The following ZNF845 variants were observed in gnomAD, a reference collection of about 807,000 sequenced individuals.
ZNF845 encodes the protein zinc finger protein 845.
A neutral mutation model predicts 76.1 loss-of-function variants in ZNF845; 59 were observed. That is an observed-to-expected ratio of 0.78 (90% CI 0.63 to 0.96). The LOEUF is 0.96. Ranked by LOEUF, ZNF845 falls within the 40% of genes least tolerant of loss-of-function variation. The probability of loss-of-function intolerance (pLI) is 0.00; values close to 1 mark genes in which losing one functional copy is unlikely to be tolerated. For missense variants in ZNF845, 1,045 were observed against 1,172.8 expected (o/e 0.89, Z 1.59); for synonymous variants, 361 against 386.9 (o/e 0.93, Z 0.78).
chr19:53,344,087 C>T (rs990596031), intron 2 of ZNF845, among the ~76,000 whole-genome samples: 1 of 152,016 alleles, frequency 6.6e-6, no homozygotes, highest in Non-Finnish European at 1.5e-5. Flanking sequence ...AGCAATTCTG[C>T]GTCAGCCTCC....
Position 53,350,751 on chromosome 19 carries a change from T to C in ZNF845, c.143-67T>C, listed in dbSNP as rs532733606. ...ATAAGTATTGTTTTTAGTGTCACAT[T>C]TACACATTTCAGTATTATTTACCAT... On this transcript the variant is annotated intron_variant, in intron 3 of 3. Coordinates refer to ENST00000458035, the MANE Select transcript of ZNF845 (RefSeq NM_138374.3). The C allele has an allele frequency of 5.1e-4, 784 of 1,540,316 alleles. 4 individuals carry two copies. In the South Asian group the frequency reaches 9.0e-3, roughly 18 times the overall value.
intron 1 of ZNF845, among the ~76,000 whole-genome samples, chr19:53,334,384 C>T (rs2085198005): frequency 6.6e-6 from 1 of 151,982 alleles, no homozygotes; most frequent in South Asian, 2.1e-4. Context: ...AGAGAGAGAG[C>T]AGTAGAAAAC....
At chr19:53,348,751 T>G (rs1308736420) in intron 3 of ZNF845, among the ~76,000 whole-genome samples, 1 of 152,122 alleles carries the variant, frequency 6.6e-6, no homozygotes, top group Non-Finnish European at 1.5e-5. Context: ...ACTAGATAAC[T>G]AAGGCCAATG....
chr19:53,344,033 A>T (rs538007517), intron 2 of ZNF845, among the ~76,000 whole-genome samples: 1 of 151,698 alleles, frequency 6.6e-6, no homozygotes, highest in African/African-American at 2.4e-5. Context: ...CTGGAGTGCA[A>T]TGGTGAGATT....
At chr19:53,339,880 A>T (rs1174452965) in intron 1 of ZNF845, among the ~76,000 whole-genome samples, 1 of 152,062 alleles carries the variant, frequency 6.6e-6, no homozygotes, top group Non-Finnish European at 1.5e-5. Context: ...TATCCAGGTT[A>T]TTTTTCATTT....
Position 53,353,876 on chromosome 19 carries a change from A to C in ZNF845, c.*288A>C. On this transcript the variant is annotated 3_prime_UTR_variant, in exon 4 of 4. Coordinates refer to ENST00000458035, the MANE Select transcript of ZNF845 (RefSeq NM_138374.3). Reference sequence around the variant, plus strand: ...TTATCACAAAGTCTTCAGTAACACTACAACCGTTTCAAATCATTGGAGAAT... The same window carrying C: ...TTATCACAAAGTCTTCAGTAACACTCCAACCGTTTCAAATCATTGGAGAAT... 8.6e-7 allele frequency: 1 copy of C among 1,168,814 alleles called. No homozygotes were observed. The highest frequency in any genetic ancestry group is 1.5e-5 in the South Asian group (1 of 65,422). 72.4% of individuals were successfully genotyped at this position (1,168,814 alleles called of 1,614,324 possible).
intron 2 of ZNF845, among the ~76,000 whole-genome samples, chr19:53,342,338 A>G (rs1223587686): frequency 6.6e-6 from 1 of 152,108 alleles, no homozygotes; most frequent in East Asian, 1.9e-4. Flanking sequence ...GCTGGTCTCA[A>G]ACTTCTGACC....
At chr19:53,344,289 A>G (rs2085277970) in intron 2 of ZNF845, among the ~76,000 whole-genome samples, 1 of 152,222 alleles carries the variant, frequency 6.6e-6, no homozygotes, top group African/African-American at 2.4e-5. Flanking sequence ...CTGTAATCCT[A>G]GCACTTTGAG....
rs577485324 is a variant in ZNF845 at position 53,346,784 on chromosome 19, G to A, written c.142+1152G>A. Among the ~76,000 whole-genome samples the A allele has an allele frequency of 5.3e-5, 8 of 152,252 alleles. No homozygotes were observed. The South Asian group carries it at 8.3e-4, about 16-fold the overall frequency. On this transcript the variant is annotated intron_variant, in intron 3 of 3. Transcript: ENST00000458035. ...GTGTGTGTTGCATTTTCAATATCACGTACAGTGTTTTCTCATGCTGTTTTC... is the reference window on the plus strand; with the variant it reads ...GTGTGTGTTGCATTTTCAATATCACATACAGTGTTTTCTCATGCTGTTTTC...
chr19:53,345,723 C>G (rs1181973802), intron 3 of ZNF845, 91 bp downstream of exon 3: 1 of 1,581,054 alleles, frequency 6.3e-7, no homozygotes, highest in Non-Finnish European at 8.6e-7. Flanking sequence ...TGCTCTGTCA[C>G]CCAGGGTGGA....
Position 53,353,987 on chromosome 19 carries a change from G to T in ZNF845, c.*399G>T. 4.3e-6 allele frequency: 2 copies of T among 465,590 alleles called. No individual in the cohort carries two copies. The allele number at this position is 465,590 out of a possible 1,614,324, so 28.8% of individuals were successfully genotyped here. A position where few individuals can be genotyped will look rare whatever the true frequency, so the allele number is the denominator to read the frequency against. On this transcript the variant is annotated 3_prime_UTR_variant, in exon 4 of 4. Transcript: ENST00000458035. ...CCTTGCAGTTCATCGGTGAACTCAT[G>T]CTGGAGAGAAACCTTACAAATGTCA... is the stretch of plus-strand genomic sequence containing the variant.
Position 53,351,340 on chromosome 19 carries a change from A to G in ZNF845, c.665A>G (p.Lys222Arg), listed in dbSNP as rs2085333494. 3 of 1,614,110 alleles carry G rather than the reference A, an allele frequency of 1.9e-6. No individual in the cohort carries two copies. The highest frequency in any genetic ancestry group is 1.1e-5 in the South Asian group (1 of 91,088). The change falls in exon 4 of 4, where the codon AAA (lysine) becomes AGA (arginine). Residue 222 changes from lysine to arginine, a missense_variant. Lys to Arg is a conservative substitution (Grantham distance 26). Coordinates refer to ENST00000458035, the MANE Select transcript of ZNF845 (RefSeq NM_138374.3). ...EKSFQCNESG[K>R]AFNYSSVLRK... ...TCTTTCCAATGTAATGAGAGTGGCA[A>G]AGCCTTTAATTATAGCTCAGTCTTA...
intron 3 of ZNF845, among the ~76,000 whole-genome samples, chr19:53,347,578 C>T (rs964521953): frequency 6.6e-6 from 1 of 152,136 alleles, no homozygotes; most frequent in Non-Finnish European, 1.5e-5. Context: ...CAGGCATGAA[C>T]CACCGTGCCC....
intron 3 of ZNF845, among the ~76,000 whole-genome samples, chr19:53,349,736 G>A (rs1380901827): frequency 3.9e-5 from 6 of 152,216 alleles, no homozygotes; most frequent in East Asian, 3.9e-4. Flanking sequence ...CAGTCCACTC[G>A]TTAATGTCAC....
At position 53,352,686 on chromosome 19, in the gene ZNF845, A is replaced by G; in HGVS notation, c.2011A>G (p.Thr671Ala). ...KPYRCNECGK[T>A]FSRKSYLTCH... Reference sequence around the variant, plus strand: ...TTACAGGTGTAATGAATGTGGCAAGACCTTTAGTCGGAAGTCATACCTTAC... The same window carrying G: ...TTACAGGTGTAATGAATGTGGCAAGGCCTTTAGTCGGAAGTCATACCTTAC... Residue 671 changes from threonine to alanine, a missense_variant, in exon 4 of 4, where the codon ACC (threonine) becomes GCC (alanine). Thr to Ala is a moderately conservative substitution (Grantham distance 58, BLOSUM62 0). Coordinates refer to ENST00000458035, the MANE Select transcript of ZNF845 (RefSeq NM_138374.3). 1 of 1,613,486 alleles carries G rather than the reference A, an allele frequency of 6.2e-7. No individual in the cohort carries two copies.
chr19:53,338,735 C>T (rs1472278861), intron 1 of ZNF845, among the ~76,000 whole-genome samples: 1 of 151,124 alleles, frequency 6.6e-6, no homozygotes, highest in African/African-American at 2.5e-5. Flanking sequence ...CACACACACT[C>T]CCACACACAC....
In ZNF845 at chr19:53,353,307, C is replaced by T; in HGVS notation, c.2632C>T (p.His878Tyr). The T allele has an allele frequency of 6.2e-7, 1 of 1,612,834 alleles. No individual in the cohort carries two copies. Among genetic ancestry groups the T allele is most frequent in the Non-Finnish European group, 8.5e-7 (1 of 1,179,628 alleles). ...TAGAAAAGCAAACCTTTCACGTCAT[C>T]ATAGACTTCATACTGGAGAGAAACC... The part of the protein sequence containing the change: ...FNRKANLSRH[H>Y]RLHTGEKPYK... The change falls in exon 4 of 4, where the codon CAT (histidine) becomes TAT (tyrosine). Residue 878 changes from histidine to tyrosine, a missense_variant. Coordinates refer to ENST00000458035, the MANE Select transcript of ZNF845 (RefSeq NM_138374.3).
In ZNF845 at chr19:53,353,078, A is replaced by G. The variant is rs1413050520; in HGVS notation, c.2403A>G (p.Lys801=). 2.5e-6 allele frequency: 4 copies of G among 1,600,118 alleles called. No homozygotes were observed. The highest frequency in any genetic ancestry group is 2.2e-5 in the East Asian group (1 of 44,740). Residue 801 remains lysine, a synonymous_variant, in exon 4 of 4, where the codon AAA becomes AAG. Coordinates refer to ENST00000458035, the MANE Select transcript of ZNF845 (RefSeq NM_138374.3). The part of the protein sequence containing the change: ...AQHTRIHTGE[K]PYKCNECGKN... ...ATACTAGAATTCACACTGGAGAGAA[A>G]CCTTACAAGTGTAATGAATGTGGCA...
In ZNF845 at chr19:53,352,437, T is replaced by C; in HGVS notation, c.1762T>C (p.Phe588Leu). 6.2e-7 allele frequency: 1 copy of C among 1,613,894 alleles called. No homozygotes were observed. Among genetic ancestry groups the C allele is most frequent in the East Asian group, 2.2e-5 (1 of 44,872 alleles). ...LYKCNDCHQVFSNATTIANHW... is the reference protein window; with the variant it reads ...LYKCNDCHQVLSNATTIANHW... Reference sequence around the variant, plus strand: ...CAAATGTAATGATTGTCACCAAGTCTTTAGTAATGCTACAACCATTGCAAA... The same window carrying C: ...CAAATGTAATGATTGTCACCAAGTCCTTAGTAATGCTACAACCATTGCAAA... The change falls in exon 4 of 4, where the codon TTT (phenylalanine) becomes CTT (leucine). Residue 588 changes from phenylalanine to leucine, a missense_variant. Physicochemically the swap from Phe to Leu is conservative, Grantham distance 22. Transcript: ENST00000458035.
Sources: allele counts gnomAD v4.1 joint callset (sites outside exome capture counted in the v4.1 genomes callset), GRCh38; gene constraint gnomAD v4.1.1; transcripts MANE v1.5; gene names NCBI Gene and HGNC (gene_info 2026-07-23, HGNC 2026-07-21).